CADM2: variants seen among roughly 807,000 people sequenced by gnomAD.
The protein encoded by CADM2 is cell adhesion molecule 2.
In CADM2, 12 loss-of-function variants were observed where a neutral mutation model predicts 49.8. That is an observed-to-expected ratio of 0.24 (90% CI 0.15 to 0.39). CADM2 has a LOEUF of 0.39. Among genes scored for constraint, CADM2 ranks in the 10% least tolerant of loss-of-function variants. The pLI is 1.00. For missense variants in CADM2, 378 were observed against 492.3 expected, an observed-to-expected ratio of 0.77 and a Z score of 2.20; for synonymous variants, 214 against 175.4, an observed-to-expected ratio of 1.22 and a Z score of -1.74.
At chr3:85,383,783 G>A (rs1490387178) in intron 1 of CADM2, among the ~76,000 whole-genome samples, 1 of 151,310 alleles carries the variant, frequency 6.6e-6, no homozygotes, top group African/African-American at 2.4e-5. Flanking sequence ...AATACTCACT[G>A]TTCCTCCTTT....
intron 1 of CADM2, among the ~76,000 whole-genome samples, chr3:85,683,003 C>T (rs1469765009): frequency 1.3e-5 from 2 of 152,006 alleles, no homozygotes; most frequent in Non-Finnish European, 2.9e-5. Flanking sequence ...AACACTTTCT[C>T]CCCTTTATGA....
At chr3:85,493,823 A>G (rs75223596) in intron 1 of CADM2, among the ~76,000 whole-genome samples, 7,538 of 152,268 alleles carry the variant, frequency 0.05, 631 homozygotes, top group African/African-American at 0.17. Flanking sequence ...GATTGAAAGA[A>G]AATGTCACTC....
intron 7 of CADM2, among the ~76,000 whole-genome samples, chr3:85,952,562 C>A (rs1326978938): frequency 6.6e-6 from 1 of 150,874 alleles, no homozygotes; most frequent in Non-Finnish European, 1.5e-5. Context: ...GGCTTTATTT[C>A]AATCTCTTTT....
chr3:85,140,844 T>C (rs2039555513), intron 1 of CADM2, among the ~76,000 whole-genome samples: 1 of 152,192 alleles, frequency 6.6e-6, no homozygotes, highest in Admixed American at 6.5e-5. Context: ...ATTTGCAGAC[T>C]TGCTTTTAAT....
At chr3:84,999,960 A>C in intron 1 of CADM2, among the ~76,000 whole-genome samples, 1 of 152,164 alleles carries the variant, frequency 6.6e-6, no homozygotes. Context: ...AAACTCCCAT[A>C]GCATGTAGAA....
rs527456621 is a variant in CADM2 at position 85,719,257 on chromosome 3, G to A, written c.62-7265G>A. Among the ~76,000 whole-genome samples the A allele has an allele frequency of 2.5e-4, 38 of 152,104 alleles. No individual in the cohort carries two copies. In the South Asian group the frequency reaches 4.4e-3, roughly 17 times the overall value. ...ACCTCATTCTATGCAATTATCAATG[G>A]GTAGCCAACGCTGAACTATTTTATA... On this transcript the variant is annotated intron_variant, in intron 1 of 9. Coordinates refer to ENST00000383699, the MANE Select transcript of CADM2 (RefSeq NM_001167675.2).
chr3:85,757,378 A>G (rs1448378689), intron 2 of CADM2, among the ~76,000 whole-genome samples: 1 of 152,136 alleles, frequency 6.6e-6, no homozygotes, highest in African/African-American at 2.4e-5. Flanking sequence ...AACATGGCTC[A>G]TGTACTTAAG....
intron 1 of CADM2, among the ~76,000 whole-genome samples, chr3:84,991,351 G>GA (rs1007958702): frequency 5.3e-5 from 8 of 152,076 alleles, no homozygotes; most frequent in African/African-American, 1.9e-4. Context: ...GGCTTGTCCT[G>GA]AAAATGAGCT....
chr3:85,986,927 G>A lies in CADM2; in HGVS notation c.970+25280G>A, dbSNP rs186477888. On this transcript the variant is annotated intron_variant, in intron 8 of 9. Transcript: ENST00000383699. Reference sequence around the variant, plus strand: ...CATGGACCTAAATATTTGAATAGTTGCAATGTATCAAGTTGTGTTATTTCA... The same window carrying A: ...CATGGACCTAAATATTTGAATAGTTACAATGTATCAAGTTGTGTTATTTCA... Among the ~76,000 whole-genome samples, 28 of 152,106 alleles carry A rather than the reference G, an allele frequency of 1.8e-4. 1 individual carries two copies. The East Asian group carries it at 5.4e-3, about 30-fold the overall frequency.
At chr3:84,964,324 C>T (rs1213260754) in intron 1 of CADM2, among the ~76,000 whole-genome samples, 5 of 152,082 alleles carry the variant, frequency 3.3e-5, no homozygotes, top group Non-Finnish European at 1.5e-5. Flanking sequence ...GAATCAACAC[C>T]AAATGACATG....
chr3:85,875,099 A>G (rs1711629496), intron 3 of CADM2, among the ~76,000 whole-genome samples: 1 of 152,154 alleles, frequency 6.6e-6, no homozygotes, highest in African/African-American at 2.4e-5. Context: ...TGGAATACCA[A>G]ATAGGAGCTC....
intron 2 of CADM2, among the ~76,000 whole-genome samples, chr3:85,755,528 C>T (rs2069072665): frequency 6.6e-6 from 1 of 152,094 alleles, no homozygotes; most frequent in African/African-American, 2.4e-5. Context: ...GTAGTCCATT[C>T]TTGCACTACT....
intron 1 of CADM2, among the ~76,000 whole-genome samples, chr3:85,041,399 G>C (rs1002919349): frequency 2.6e-5 from 4 of 152,092 alleles, no homozygotes; most frequent in African/African-American, 9.7e-5. Context: ...TGGAGAGGGG[G>C]GCAAAGGACA....
intron 1 of CADM2, among the ~76,000 whole-genome samples, chr3:85,091,516 G>T (rs533340768): frequency 5.3e-5 from 8 of 152,016 alleles, no homozygotes; most frequent in Non-Finnish European, 1.0e-4. Context: ...ATAATCTGAA[G>T]ATACTGAAAA....
intron 1 of CADM2, among the ~76,000 whole-genome samples, chr3:85,711,075 T>C (rs2107737063): frequency 6.6e-6 from 1 of 152,312 alleles, no homozygotes; most frequent in African/African-American, 2.4e-5. Context: ...ATGTAAACTG[T>C]TGGGATTTCT....
At chr3:85,420,574 A>ATT (rs1164894681) in intron 1 of CADM2, among the ~76,000 whole-genome samples, 2 of 151,962 alleles carry the variant, frequency 1.3e-5, no homozygotes, top group African/African-American at 4.8e-5. Flanking sequence ...ATCAGGGCAT[A>ATT]TTTTTTTTCT....
intron 2 of CADM2, among the ~76,000 whole-genome samples, chr3:85,797,149 G>A (rs2071678548): frequency 6.6e-6 from 1 of 151,092 alleles, no homozygotes; most frequent in African/African-American, 2.4e-5. Flanking sequence ...AAGCAGAAGT[G>A]CCCAGTTTTA....
At position 85,775,339 on chromosome 3, in the gene CADM2, G is replaced by C. The variant is rs114266398; in HGVS notation, c.89-26708G>C. Among the ~76,000 whole-genome samples the C allele has an allele frequency of 6.7e-3, 1,022 of 151,654 alleles. 8 individuals are homozygous for C. Among genetic ancestry groups the C allele is most frequent in the African/African-American group, 0.023 (958 of 41,446 alleles). ...TAATTTATCCTACTTTCAAAGCTTTGTGCCCTATTATAGTATAATAATATT... is the reference window on the plus strand; with the variant it reads ...TAATTTATCCTACTTTCAAAGCTTTCTGCCCTATTATAGTATAATAATATT... On this transcript the variant is annotated intron_variant, in intron 2 of 9. Coordinates refer to ENST00000383699, the MANE Select transcript of CADM2 (RefSeq NM_001167675.2).
intron 1 of CADM2, among the ~76,000 whole-genome samples, chr3:85,464,244 T>C (rs867352947): frequency 1.3e-4 from 20 of 152,338 alleles, no homozygotes; most frequent in Middle Eastern, 6.8e-3. Flanking sequence ...TATATATTTA[T>C]TTTTAAAACT....
Sources: allele counts gnomAD v4.1 joint callset (sites outside exome capture counted in the v4.1 genomes callset), GRCh38; gene constraint gnomAD v4.1.1; transcripts MANE v1.5; gene names NCBI Gene and HGNC (gene_info 2026-07-23, HGNC 2026-07-21).